LDB2: variants seen among roughly 807,000 people sequenced by gnomAD.
LDB2 encodes the protein LIM domain binding 2, also known as LIM domain-binding protein 2.
Under a neutral mutation model 44.3 loss-of-function variants are expected in LDB2, and 12 were observed. The ratio of observed to expected loss-of-function variants is 0.27; its 90% CI spans 0.17 to 0.44. The LOEUF is 0.44. LDB2 is among the 20% of genes least tolerant of loss of function. The pLI, the probability that LDB2 is intolerant of heterozygous loss-of-function variation, is 1.00. For synonymous variants in LDB2, 164 were observed against 174.8 expected, an observed-to-expected ratio of 0.94 and a Z score of 0.49; for missense variants, 344 against 473.5, an observed-to-expected ratio of 0.73 and a Z score of 2.54.
intron 1 of LDB2, among the ~76,000 whole-genome samples, chr4:16,867,721 T>TGG (rs113040803): frequency 0.01 from 1,545 of 152,126 alleles, 29 homozygotes; most frequent in African/African-American, 0.035. Flanking sequence ...GATTTCAAGG[T>TGG]GGTAGTTGGG....
At chr4:16,710,085 C>T (rs1052173402) in intron 2 of LDB2, among the ~76,000 whole-genome samples, 5 of 152,130 alleles carry the variant, frequency 3.3e-5, no homozygotes, top group Admixed American at 6.6e-5. Flanking sequence ...TCATATATAG[C>T]TTAAATCCTT....
At chr4:16,854,612 T>C (rs1788955013) in intron 1 of LDB2, among the ~76,000 whole-genome samples, 1 of 151,232 alleles carries the variant, frequency 6.6e-6, no homozygotes, top group Non-Finnish European at 1.5e-5. Context: ...CCAATTCCCT[T>C]TCCCTAGGGG....
intron 2 of LDB2, among the ~76,000 whole-genome samples, chr4:16,641,568 A>T (rs1011210384): frequency 4.6e-5 from 7 of 152,136 alleles, no homozygotes; most frequent in Admixed American, 2.6e-4. Context: ...GAAGGGGTGC[A>T]GGAGAGAGAA....
intron 2 of LDB2, among the ~76,000 whole-genome samples, chr4:16,702,067 T>C (rs1412886674): frequency 6.6e-6 from 1 of 152,214 alleles, no homozygotes; most frequent in Non-Finnish European, 1.5e-5. Flanking sequence ...AAAGAATTTA[T>C]AGCTCAAGAG....
At chr4:16,779,076 A>C (rs1772584456) in intron 1 of LDB2, among the ~76,000 whole-genome samples, 1 of 152,144 alleles carries the variant, frequency 6.6e-6, no homozygotes, top group African/African-American at 2.4e-5. Flanking sequence ...CTTTTGTTCT[A>C]GGAAACATGG....
At chr4:16,768,888 A>G (rs563444981) in intron 1 of LDB2, among the ~76,000 whole-genome samples, 5 of 152,336 alleles carry the variant, frequency 3.3e-5, no homozygotes, top group Non-Finnish European at 5.9e-5. Context: ...AAACTGAGGC[A>G]CTGAGGAGTT....
chr4:16,712,600 G>C (rs1471407499), intron 2 of LDB2, among the ~76,000 whole-genome samples: 1 of 151,770 alleles, frequency 6.6e-6, no homozygotes, highest in Non-Finnish European at 1.5e-5. Flanking sequence ...CGGCCAAAAA[G>C]CACCTGAAAA....
chr4:16,879,957 C>A (rs1056297445), intron 1 of LDB2, among the ~76,000 whole-genome samples: 2 of 152,094 alleles, frequency 1.3e-5, no homozygotes, highest in Admixed American at 1.3e-4. Context: ...CTCTTTACAC[C>A]TGCAGAAACT....
intron 2 of LDB2, among the ~76,000 whole-genome samples, chr4:16,722,330 A>T (rs1359409386): frequency 6.6e-6 from 1 of 152,120 alleles, no homozygotes; most frequent in Admixed American, 6.6e-5. Flanking sequence ...TGTTAATGGG[A>T]TCAAATGGAA....
chr4:16,775,430 T>C (rs1014575793), intron 1 of LDB2, among the ~76,000 whole-genome samples: 1 of 152,152 alleles, frequency 6.6e-6, no homozygotes, highest in Non-Finnish European at 1.5e-5. Context: ...CTCAGTCTCA[T>C]CTGCCTTCAC....
intron 5 of LDB2, among the ~76,000 whole-genome samples, chr4:16,519,167 G>C (rs538017701): frequency 6.6e-6 from 1 of 152,062 alleles, no homozygotes; most frequent in South Asian, 2.1e-4. Context: ...TCAAATATTT[G>C]TTGAGTCATA....
chr4:16,807,821 C>T (rs943176120), intron 1 of LDB2, among the ~76,000 whole-genome samples: 2 of 152,202 alleles, frequency 1.3e-5, no homozygotes. Context: ...ATTCATTCCT[C>T]TTCCAGCCTT....
At chr4:16,888,811 C>T in intron 1 of LDB2, 1 of 685,418 alleles carries the variant, frequency 1.5e-6, no homozygotes, top group Non-Finnish European at 1.8e-6. Context: ...TGCAATGTAA[C>T]TTTCAGGCTA....
intron 2 of LDB2, among the ~76,000 whole-genome samples, chr4:16,750,663 G>A (rs1765317016): frequency 6.6e-6 from 1 of 152,168 alleles, no homozygotes; most frequent in African/African-American, 2.4e-5. Flanking sequence ...TGGGGTCCTT[G>A]AAGTAGGGAT....
At chr4:16,581,971 GAAGGAAGGA>G (rs1714728207) in intron 5 of LDB2, among the ~76,000 whole-genome samples, 1 of 122,406 alleles carries the variant, frequency 8.2e-6, no homozygotes, top group South Asian at 2.6e-4. Context: ...AAGAAAGAAG[GAAGGAAGGA>G]AGGGAAGGAA....
intron 5 of LDB2, among the ~76,000 whole-genome samples, chr4:16,545,662 CT>C (rs1307400706): frequency 6.6e-6 from 1 of 152,312 alleles, no homozygotes; most frequent in East Asian, 1.9e-4. Flanking sequence ...ATTCATGCAA[CT>C]TTTTTTATAT....
At chr4:16,538,046 T>A (rs1020052943) in intron 5 of LDB2, among the ~76,000 whole-genome samples, 1 of 152,188 alleles carries the variant, frequency 6.6e-6, no homozygotes, top group Admixed American at 6.5e-5. Flanking sequence ...GATCTGGCAT[T>A]CAGGTGCCTG....
intron 7 of LDB2, 53 bp downstream of exon 7, chr4:16,508,482 G>A: frequency 7.3e-7 from 1 of 1,379,040 alleles, no homozygotes; most frequent in Non-Finnish European, 9.6e-7. Flanking sequence ...TGGGCCCTTT[G>A]AGTAGGAAGC....
intron 2 of LDB2, among the ~76,000 whole-genome samples, chr4:16,755,543 C>CA (rs1766439913): frequency 1.1e-4 from 3 of 26,714 alleles, no homozygotes; most frequent in South Asian, 1.7e-3. Context: ...GAGAGAGAGA[C>CA]AGACAGACAG....
Sources: gnomAD v4.1 joint callset for allele counts (sites outside exome capture counted in the v4.1 genomes callset) on GRCh38, gnomAD v4.1.1 for gene constraint, MANE v1.5 for transcripts, NCBI Gene and HGNC (gene_info 2026-07-23, HGNC 2026-07-21) for gene names.